Variants in ERGIC1 observed in about 807,000 individuals in gnomAD.
ERGIC1 encodes endoplasmic reticulum-golgi intermediate compartment 1, also known as endoplasmic reticulum-Golgi intermediate compartment protein 1.
In ERGIC1, 19 loss-of-function variants were observed where a neutral mutation model predicts 38.3. That is an observed-to-expected ratio of 0.50 (90% CI 0.35 to 0.73). ERGIC1 has a LOEUF of 0.73. Among genes scored for constraint, ERGIC1 ranks in the 30% least tolerant of loss-of-function variants. ERGIC1 has a pLI of 0.01. For missense variants in ERGIC1, 294 were observed against 389.2 expected (o/e 0.76, Z 2.06); for synonymous variants, 124 against 157.6 (o/e 0.79, Z 1.60).
At chr5:172,924,456 G>A (rs1763604959) in intron 6 of ERGIC1, among the ~76,000 whole-genome samples, 1 of 152,206 alleles carries the variant, frequency 6.6e-6, no homozygotes, top group Non-Finnish European at 1.5e-5. Flanking sequence ...CAGCTGAGAG[G>A]GCCCAGAGCA....
At chr5:172,888,532 G>A (rs1190351148) in intron 1 of ERGIC1, among the ~76,000 whole-genome samples, 167 bp from the exon 2 acceptor site, 3 of 152,182 alleles carry the variant, frequency 2.0e-5, no homozygotes, top group Non-Finnish European at 4.4e-5. Context: ...GGGAGCAGGG[G>A]TTCCATCAGA....
At chr5:172,848,008 A>G (rs1761319757) in intron 1 of ERGIC1, among the ~76,000 whole-genome samples, 1 of 152,218 alleles carries the variant, frequency 6.6e-6, no homozygotes, top group East Asian at 1.9e-4. Flanking sequence ...TGGGTTTGTT[A>G]AAAAAGAGAT....
intron 1 of ERGIC1, among the ~76,000 whole-genome samples, chr5:172,852,659 T>G (rs1761439402): frequency 6.6e-6 from 1 of 152,246 alleles, no homozygotes; most frequent in Non-Finnish European, 1.5e-5. Flanking sequence ...GGTCTTCCTC[T>G]TGGGTCTGAA....
intron 4 of ERGIC1, chr5:172,914,446 G>T: frequency 1.8e-6 from 1 of 559,142 alleles, no homozygotes; most frequent in Admixed American, 3.0e-5. Context: ...TTAAGTACCT[G>T]AGGCAGGACC....
chr5:172,938,175 C>A (rs576721773), intron 9 of ERGIC1, among the ~76,000 whole-genome samples: 3 of 152,126 alleles, frequency 2.0e-5, no homozygotes, highest in Non-Finnish European at 4.4e-5. Context: ...TGATTTAACC[C>A]AAGACCCCGC....
intron 1 of ERGIC1, among the ~76,000 whole-genome samples, chr5:172,878,711 A>AG (rs1468668979): frequency 6.6e-6 from 1 of 152,054 alleles, no homozygotes; most frequent in Non-Finnish European, 1.5e-5. Flanking sequence ...TCAGGATTTG[A>AG]GGGGGGCGAT....
rs192309804 is a variant in ERGIC1 at position 172,875,015 on chromosome 5, C to G, written c.21-13684C>G. 2.6e-3 allele frequency among the ~76,000 whole-genome samples: 401 copies of G among 152,010 alleles called. 1 individual carries two copies. The highest frequency in any genetic ancestry group is 0.017 in the Middle Eastern group (5 of 292). On this transcript the variant is annotated intron_variant, in intron 1 of 9. Coordinates refer to ENST00000393784, the MANE Select transcript of ERGIC1 (RefSeq NM_001031711.3). ...TTGAAAATAGACTTAAGTAAGGGAGCAAGCCATACAGAGATGCAAAGGCAG... is the reference window on the plus strand; with the variant it reads ...TTGAAAATAGACTTAAGTAAGGGAGGAAGCCATACAGAGATGCAAAGGCAG...
At chr5:172,914,932 C>T (rs767896102) in intron 5 of ERGIC1, 94 bp downstream of exon 5, 1 of 1,567,910 alleles carries the variant, frequency 6.4e-7, no homozygotes. Flanking sequence ...CTCACTCGAC[C>T]TGACCCTGAC....
At chr5:172,850,213 C>T (rs142778928) in intron 1 of ERGIC1, among the ~76,000 whole-genome samples, 1,894 of 152,312 alleles carry the variant, frequency 0.012, 28 homozygotes, top group Middle Eastern at 0.027. Context: ...AAAACTGGGT[C>T]ACACTTGAAG....
At chr5:172,910,752 T>G (rs1763185815) in intron 4 of ERGIC1, among the ~76,000 whole-genome samples, 2 of 152,082 alleles carry the variant, frequency 1.3e-5, no homozygotes, top group Non-Finnish European at 1.5e-5. Context: ...CTCGAACTCC[T>G]GACCTCAGGT....
Position 172,923,560 on chromosome 5 carries a change from C to T in ERGIC1, c.376-445C>T, listed in dbSNP as rs551468720. ...CACAGTCTGTCCATCAGGGATCCCC[C>T]GTCTAGGGCACTGGGGCAAACTTGG... On this transcript the variant is annotated intron_variant, in intron 5 of 9. Coordinates refer to ENST00000393784, the MANE Select transcript of ERGIC1 (RefSeq NM_001031711.3). Among the ~76,000 whole-genome samples the T allele has an allele frequency of 7.9e-5, 12 of 152,262 alleles. No homozygotes were observed. The South Asian group carries it at 2.1e-3, about 26-fold the overall frequency.
chr5:172,900,722 CA>C (rs1223646810), intron 3 of ERGIC1, among the ~76,000 whole-genome samples: 1 of 146,850 alleles, frequency 6.8e-6, no homozygotes, highest in East Asian at 2.0e-4. Context: ...AAAAAAAAAA[CA>C]AAAAAAAACA....
chr5:172,932,609 G>A (rs1290574572), intron 8 of ERGIC1, 73 bp downstream of exon 8: 2 of 1,457,516 alleles, frequency 1.4e-6, no homozygotes, highest in Non-Finnish European at 9.5e-7. Flanking sequence ...GATGACAGGC[G>A]GCTGCACCGA....
intron 9 of ERGIC1, among the ~76,000 whole-genome samples, chr5:172,944,959 C>T (rs1205831169): frequency 2.0e-5 from 3 of 152,232 alleles, no homozygotes; most frequent in Non-Finnish European, 4.4e-5. Flanking sequence ...GTGTGGAACC[C>T]TGTGCCTTTC....
intron 9 of ERGIC1, among the ~76,000 whole-genome samples, chr5:172,940,565 G>T (rs1763987620): frequency 6.6e-6 from 1 of 152,084 alleles, no homozygotes; most frequent in African/African-American, 2.4e-5. Context: ...TATTTTGGAG[G>T]AACAGCCAGA....
intron 1 of ERGIC1, among the ~76,000 whole-genome samples, chr5:172,840,286 A>G (rs1192325194): frequency 6.6e-6 from 1 of 152,140 alleles, no homozygotes; most frequent in Non-Finnish European, 1.5e-5. Context: ...GTAGCAGGAG[A>G]CAGGGCTTTA....
At chr5:172,950,092 T>C (rs1764201547) in intron 9 of ERGIC1, among the ~76,000 whole-genome samples, 1 of 152,178 alleles carries the variant, frequency 6.6e-6, no homozygotes, top group Non-Finnish European at 1.5e-5. Flanking sequence ...CTTGCTCTAA[T>C]AGAAGCTTTC....
intron 2 of ERGIC1, among the ~76,000 whole-genome samples, chr5:172,889,961 A>C (rs1224348993): frequency 6.6e-6 from 1 of 152,172 alleles, no homozygotes; most frequent in African/African-American, 2.4e-5. Flanking sequence ...GTATGTAGCT[A>C]TTCTCCCATC....
rs576512752 is a variant in ERGIC1 at position 172,884,330 on chromosome 5, C to T, written c.21-4369C>T. ...GTGCAAGGCTCACCATAGCATTAAA[C>T]TCCTGGATTCAAATGATCCTCCCAC... On this transcript the variant is annotated intron_variant, in intron 1 of 9. Coordinates refer to ENST00000393784, the MANE Select transcript of ERGIC1 (RefSeq NM_001031711.3). Among the ~76,000 whole-genome samples, 3 of 141,560 alleles carry T rather than the reference C, an allele frequency of 2.1e-5. No individual in the cohort carries two copies. The East Asian group carries it at 7.0e-4, about 33-fold the overall frequency. 92.9% of individuals were successfully genotyped at this position (141,560 alleles called of 152,430 possible). A position where few individuals can be genotyped will look rare whatever the true frequency, so the allele number is the denominator to read the frequency against.
Sources: gnomAD v4.1 joint callset for allele counts (sites outside exome capture counted in the v4.1 genomes callset) on GRCh38, gnomAD v4.1.1 for gene constraint, MANE v1.5 for transcripts, NCBI Gene and HGNC (gene_info 2026-07-23, HGNC 2026-07-21) for gene names.